RUNX2: variants seen among roughly 807,000 people sequenced by gnomAD.
The protein encoded by RUNX2 is runt-related transcription factor 2.
Under a neutral mutation model 51.7 loss-of-function variants are expected in RUNX2, and 10 were observed. The ratio of observed to expected loss-of-function variants is 0.19; its 90% CI spans 0.12 to 0.33. RUNX2 has a LOEUF of 0.33. Among genes scored for constraint, RUNX2 ranks in the 10% least tolerant of loss-of-function variants. RUNX2 has a pLI of 1.00. For missense variants in RUNX2, 562 were observed against 691.3 expected, an observed-to-expected ratio of 0.81 and a Z score of 2.10; for synonymous variants, 276 against 273.6, an observed-to-expected ratio of 1.01 and a Z score of -0.09.
At chr6:45,475,174 G>A (rs1166462100) in intron 5 of RUNX2, among the ~76,000 whole-genome samples, 2 of 151,762 alleles carry the variant, frequency 1.3e-5, no homozygotes, top group South Asian at 2.1e-4. Flanking sequence ...ATAAGACATG[G>A]GTATTAATAA....
intron 2 of RUNX2, among the ~76,000 whole-genome samples, chr6:45,389,817 C>A (rs948046846): frequency 2.0e-5 from 3 of 152,198 alleles, no homozygotes; most frequent in Admixed American, 1.3e-4. Context: ...AGAGACCAGC[C>A]TGGCCAGCAT....
At chr6:45,448,727 T>C (rs1582123432) in intron 5 of RUNX2, among the ~76,000 whole-genome samples, 1 of 152,198 alleles carries the variant, frequency 6.6e-6, no homozygotes, top group East Asian at 1.9e-4. Context: ...AGTTAAATTT[T>C]ATGAGATACA....
chr6:45,505,160 A>G (rs1199369776), intron 6 of RUNX2, among the ~76,000 whole-genome samples: 1 of 152,188 alleles, frequency 6.6e-6, no homozygotes, highest in Admixed American at 6.5e-5. Flanking sequence ...TTCCTAGGAA[A>G]GCAGATCCTC....
chr6:45,397,088 G>A (rs993102218), intron 2 of RUNX2, among the ~76,000 whole-genome samples: 1 of 151,536 alleles, frequency 6.6e-6, no homozygotes, highest in Non-Finnish European at 1.5e-5. Context: ...TGGGTCATAT[G>A]GTAAATTTAT....
chr6:45,406,568 C>T (rs1797838015), intron 2 of RUNX2, among the ~76,000 whole-genome samples: 1 of 152,132 alleles, frequency 6.6e-6, no homozygotes, highest in African/African-American at 2.4e-5. Context: ...GCACGCCTGG[C>T]TAATTTTTGT....
At chr6:45,337,165 G>C (rs1300608331) in intron 2 of RUNX2, among the ~76,000 whole-genome samples, 1 of 151,612 alleles carries the variant, frequency 6.6e-6, no homozygotes, top group African/African-American at 2.4e-5. Flanking sequence ...CATATGAACA[G>C]AACAACATGC....
rs1563078896 is a variant in RUNX2, at chr6:45,422,696, G to A, written c.162G>A (p.Gln54=). 6.3e-7 allele frequency: 1 copy of A among 1,593,162 alleles called. No individual in the cohort carries two copies. Among genetic ancestry groups the A allele is most frequent in the East Asian group, 2.3e-5 (1 of 43,140 alleles). The change falls in exon 3 of 9, where the codon CAG becomes CAA. Residue 54 remains glutamine, a synonymous_variant. Transcript: ENST00000647337. ...PVVAAQQQQQ[Q]QQQQQQQQQQ... ...TGGCTGCGCAACAGCAGCAGCAACA[G>A]CAGCAGCAGCAACAGCAGCAGCAGC...
intron 4 of RUNX2, among the ~76,000 whole-genome samples, chr6:45,436,465 G>T (rs1352320309): frequency 6.6e-6 from 1 of 152,106 alleles, no homozygotes; most frequent in Non-Finnish European, 1.5e-5. Flanking sequence ...GATTAATTGA[G>T]ATAATGTGTA....
Position 45,373,750 on chromosome 6 carries a change from G to A in RUNX2, c.58+44966G>A, listed in dbSNP as rs918558937. On this transcript the variant is annotated intron_variant, in intron 2 of 8. Transcript: ENST00000647337. ...GTAATTTTAGTAGAGACGGGGTTTC[G>A]CCATGTTGGCCAGTCTGGTCTCCAA... is the stretch of plus-strand genomic sequence containing the variant. Among the ~76,000 whole-genome samples, 25 of 151,974 alleles carry A rather than the reference G, an allele frequency of 1.6e-4. No individual in the cohort carries two copies. The South Asian group carries it at 2.7e-3, about 16-fold the overall frequency.
In RUNX2 at chr6:45,491,957, T is replaced by C. The variant is rs750894797; in HGVS notation, c.702T>C (p.Leu234=). ...TATTTCCAGGGCACAGACAGAAGCTTGATGACTCTAAACCTAGTTTGTTCT... is the reference window on the plus strand; with the variant it reads ...TATTTCCAGGGCACAGACAGAAGCTCGATGACTCTAAACCTAGTTTGTTCT... ...PREPRRHRQK[L]DDSKPSLFSD... The change falls in exon 6 of 9, where the codon CTT becomes CTC. Residue 234 remains leucine (L), a synonymous_variant. Coordinates refer to ENST00000647337, the MANE Select transcript of RUNX2 (RefSeq NM_001024630.4). The C allele has an allele frequency of 6.2e-7, 1 of 1,613,954 alleles. No homozygotes were observed. The highest frequency in any genetic ancestry group is 8.5e-7 in the Non-Finnish European group (1 of 1,179,892).
intron 2 of RUNX2, among the ~76,000 whole-genome samples, chr6:45,385,270 A>G (rs962658259): frequency 4.6e-5 from 7 of 152,070 alleles, no homozygotes; most frequent in African/African-American, 1.7e-4. Context: ...CTCGGTTAGG[A>G]TTGGTTTGAA....
chr6:45,467,857 T>C (rs1246041847), intron 5 of RUNX2, among the ~76,000 whole-genome samples: 4 of 152,246 alleles, frequency 2.6e-5, no homozygotes, highest in African/African-American at 9.6e-5. Flanking sequence ...ATAATATATC[T>C]CTGTAAAAAC....
Position 45,352,368 on chromosome 6 carries a change from C to T in RUNX2, c.58+23584C>T, listed in dbSNP as rs532946309. Among the ~76,000 whole-genome samples, 83 of 152,132 alleles carry T rather than the reference C, an allele frequency of 5.5e-4. 1 individual carries two copies. The highest frequency in any genetic ancestry group is 2.0e-3 in the African/African-American group (82 of 41,498). On this transcript the variant is annotated intron_variant, in intron 2 of 8. Transcript: ENST00000647337. ...CAGAAAAGAAAGTGTATCAAGTTTT[C>T]CTAGTTTATGAACTCTTATTATAGA...
chr6:45,342,811 T>G (rs1197660023), intron 2 of RUNX2, among the ~76,000 whole-genome samples: 4 of 152,206 alleles, frequency 2.6e-5, no homozygotes, highest in African/African-American at 9.7e-5. Flanking sequence ...GTTTTTAATT[T>G]TTCATGCTCA....
In RUNX2 at chr6:45,539,306, A is replaced by G. The variant is rs908161283; in HGVS notation, c.1022-5911A>G. On this transcript the variant is annotated intron_variant, in intron 7 of 8. Transcript: ENST00000647337. ...GTTCTTTCAGAATTTGTGAGCATGC[A>G]GTGGAAAAGTACAATTCATTACAAC... Among the ~76,000 whole-genome samples the G allele has an allele frequency of 4.6e-5, 7 of 152,074 alleles. No individual in the cohort carries two copies. The South Asian group carries it at 1.2e-3, about 27-fold the overall frequency.
intron 7 of RUNX2, among the ~76,000 whole-genome samples, chr6:45,532,159 T>A (rs1801873341): frequency 1.5e-5 from 2 of 137,704 alleles, no homozygotes. Context: ...ATAGAAAACC[T>A]AGATTTTTTT....
intron 5 of RUNX2, among the ~76,000 whole-genome samples, chr6:45,450,652 G>A (rs987457655): frequency 6.6e-6 from 1 of 152,188 alleles, no homozygotes; most frequent in Admixed American, 6.5e-5. Flanking sequence ...AGGCCTGTCT[G>A]GGGAGATGAC....
At chr6:45,406,842 C>A (rs555840968) in intron 2 of RUNX2, among the ~76,000 whole-genome samples, 2 of 152,236 alleles carry the variant, frequency 1.3e-5, no homozygotes, top group East Asian at 3.9e-4. Flanking sequence ...TCCAGCCCAA[C>A]CCAGTACTAG....
chr6:45,527,155 C>T, intron 7 of RUNX2, among the ~76,000 whole-genome samples: 1 of 152,024 alleles, frequency 6.6e-6, no homozygotes, highest in East Asian at 1.9e-4. Flanking sequence ...AGTGCAAGGG[C>T]CCAGAGGTGG....
Sources: gnomAD v4.1 joint callset for allele counts (sites outside exome capture counted in the v4.1 genomes callset) on GRCh38, gnomAD v4.1.1 for gene constraint, MANE v1.5 for transcripts, NCBI Gene and HGNC (gene_info 2026-07-23, HGNC 2026-07-21) for gene names.